Variants in PLXNA4 observed in about 807,000 individuals in gnomAD.
PLXNA4 encodes plexin-A4.
In PLXNA4, 44 loss-of-function variants were observed where a neutral mutation model predicts 191.8. The ratio of observed to expected loss-of-function variants is 0.23; its 90% CI spans 0.18 to 0.29. The LOEUF (loss-of-function observed/expected upper bound fraction) is 0.29, where lower values mean the gene tolerates loss of function less well. PLXNA4 is among the 10% of genes least tolerant of loss of function. The probability of loss-of-function intolerance (pLI) is 1.00; values close to 1 mark genes in which losing one functional copy is unlikely to be tolerated. For synonymous variants in PLXNA4, 1,082 were observed against 1,009.5 expected (o/e 1.07, Z -1.36); for missense variants, 1,800 against 2,488.8 (o/e 0.72, Z 5.89).
intron 4 of PLXNA4, among the ~76,000 whole-genome samples, chr7:132,248,456 G>A (rs1193481576): frequency 6.6e-6 from 1 of 152,212 alleles, no homozygotes; most frequent in African/African-American, 2.4e-5. Context: ...TGGACAGAAA[G>A]TTACACCAGG....
At chr7:132,332,203 G>A (rs1802615862) in intron 3 of PLXNA4, among the ~76,000 whole-genome samples, 1 of 152,202 alleles carries the variant, frequency 6.6e-6, no homozygotes. Context: ...AGTGTGGAAA[G>A]AAGCCTGAGA....
intron 2 of PLXNA4, among the ~76,000 whole-genome samples, chr7:132,615,669 A>G (rs375001771): frequency 6.6e-6 from 1 of 152,096 alleles, no homozygotes; most frequent in East Asian, 1.9e-4. Flanking sequence ...CATTGGAGTG[A>G]GCAGGGAAGT....
chr7:132,151,311 AAGG>A (rs1384759955), intron 25 of PLXNA4, among the ~76,000 whole-genome samples: 4 of 36,924 alleles, frequency 1.1e-4, no homozygotes, highest in South Asian at 1.3e-3. Flanking sequence ...GAGGAGGAAG[AAGG>A]AGGAGGAGGA....
At chr7:132,562,339 TCC>T in intron 1 of PLXNA4, among the ~76,000 whole-genome samples, 1 of 108,042 alleles carries the variant, frequency 9.3e-6, no homozygotes, top group Non-Finnish European at 1.9e-5. Context: ...TCTCTCCTCC[TCC>T]TTCTTCTCCT....
At chr7:132,286,674 G>C (rs1584946528) in intron 4 of PLXNA4, among the ~76,000 whole-genome samples, 1 of 152,152 alleles carries the variant, frequency 6.6e-6, no homozygotes, top group African/African-American at 2.4e-5. Flanking sequence ...AGAAGTCCTG[G>C]AAGATGAGGG....
At chr7:132,191,488 G>A (rs753375316) in intron 14 of PLXNA4, among the ~76,000 whole-genome samples, 5 of 152,090 alleles carry the variant, frequency 3.3e-5, no homozygotes, top group Non-Finnish European at 5.9e-5. Context: ...TGGAGTGAGG[G>A]GCCTGACTGG....
intron 3 of PLXNA4, among the ~76,000 whole-genome samples, chr7:132,382,732 A>G (rs1296417025): frequency 6.6e-6 from 1 of 152,220 alleles, no homozygotes; most frequent in Admixed American, 6.5e-5. Flanking sequence ...AATGCTACTA[A>G]CACAGTATAA....
At chr7:132,403,113 G>A (rs1396309312) in intron 3 of PLXNA4, among the ~76,000 whole-genome samples, 1 of 152,192 alleles carries the variant, frequency 6.6e-6, no homozygotes, top group Non-Finnish European at 1.5e-5. Context: ...AACATCCCAG[G>A]AGGCAGTGCT....
chr7:132,411,295 T>C (rs1053627254), intron 3 of PLXNA4, among the ~76,000 whole-genome samples: 3 of 152,170 alleles, frequency 2.0e-5, no homozygotes, highest in Non-Finnish European at 2.9e-5. Context: ...AACGGGTATC[T>C]TCCACCAATC....
In PLXNA4 at chr7:132,619,190, A is replaced by G. The variant is rs2116864278; in HGVS notation, c.-87+26738T>C. Among the ~76,000 whole-genome samples, 3 of 152,288 alleles carry G rather than the reference A, an allele frequency of 2.0e-5. No homozygotes were observed. In the South Asian group the frequency reaches 6.2e-4, roughly 32 times the overall value. ...AGAACCCTTAAAAAGAGTGAAGTATATGTGTATGTTTCTCAAACTTTTCCA... is the reference window on the plus strand; with the variant it reads ...AGAACCCTTAAAAAGAGTGAAGTATGTGTGTATGTTTCTCAAACTTTTCCA... On this transcript the variant is annotated intron_variant, in intron 2 of 4. Coordinates refer to the PLXNA4 transcript ENST00000378539.
chr7:132,306,275 T>C (rs570233869), intron 3 of PLXNA4, among the ~76,000 whole-genome samples: 11 of 152,240 alleles, frequency 7.2e-5, no homozygotes, highest in South Asian at 2.1e-4. Context: ...GGAGACTTCA[T>C]TGGGGCAGGC....
At chr7:132,149,180 G>GA (rs1195449873) in intron 25 of PLXNA4, among the ~76,000 whole-genome samples, 3 of 151,942 alleles carry the variant, frequency 2.0e-5, no homozygotes, top group East Asian at 1.9e-4. Context: ...AAAGAGTGTG[G>GA]AAAAAATCAG....
At chr7:132,212,727 G>A (rs1467800704) in intron 9 of PLXNA4, among the ~76,000 whole-genome samples, 3 of 152,212 alleles carry the variant, frequency 2.0e-5, no homozygotes, top group African/African-American at 7.2e-5. Context: ...GAGACAGAGA[G>A]GAAGCTGGAG....
rs1228440563 is a variant in PLXNA4 at position 132,484,852 on chromosome 7, A to G, written c.1371+4440T>C. 7 of 1,614,192 alleles carry G rather than the reference A, an allele frequency of 4.3e-6. No homozygotes were observed. In the East Asian group the frequency reaches 1.6e-4, roughly 36 times the overall value. On this transcript the variant is annotated intron_variant, in intron 3 of 31. Coordinates refer to ENST00000321063, the MANE Select transcript of PLXNA4 (RefSeq NM_020911.2). ...TCCCAGGTACATTTAGGAAGCAACA[A>G]AGCAGAGGCTGGACTCTCTGATCTG...
intron 1 of PLXNA4, among the ~76,000 whole-genome samples, chr7:132,549,090 G>A (rs991050931): frequency 3.3e-5 from 5 of 152,048 alleles, no homozygotes; most frequent in Admixed American, 6.6e-5. Flanking sequence ...TCCACCCCTC[G>A]TTTAGCATAT....
intron 1 of PLXNA4, among the ~76,000 whole-genome samples, chr7:132,528,491 G>A (rs1799499176): frequency 6.6e-6 from 1 of 152,340 alleles, no homozygotes; most frequent in East Asian, 1.9e-4. Flanking sequence ...GCTGTGATTG[G>A]ATTAAGCCAG....
chr7:132,193,862 G>C (rs912313654), intron 14 of PLXNA4, among the ~76,000 whole-genome samples, 200 bp downstream of exon 14: 3 of 152,136 alleles, frequency 2.0e-5, no homozygotes, highest in Non-Finnish European at 2.9e-5. Context: ...GCACAGAAAA[G>C]TCTGGATTTG....
intron 3 of PLXNA4, among the ~76,000 whole-genome samples, chr7:132,322,435 G>A (rs542563172): frequency 3.3e-4 from 50 of 152,158 alleles, no homozygotes; most frequent in African/African-American, 1.1e-3. Context: ...CACCCGCCTC[G>A]GCCTCCCAAA....
intron 1 of PLXNA4, among the ~76,000 whole-genome samples, chr7:132,568,774 G>A (rs1023862895): frequency 6.6e-6 from 1 of 152,332 alleles, no homozygotes; most frequent in Non-Finnish European, 1.5e-5. Flanking sequence ...GCAGACCCAC[G>A]TCTCTAAGTC....
Sources: allele counts gnomAD v4.1 joint callset (sites outside exome capture counted in the v4.1 genomes callset), GRCh38; gene constraint gnomAD v4.1.1; transcripts MANE v1.5; gene names NCBI Gene and HGNC (gene_info 2026-07-23, HGNC 2026-07-21).